HPSE2: variants seen among roughly 807,000 people sequenced by gnomAD.
The protein encoded by HPSE2 is inactive heparanase-2.
Under a neutral mutation model 60.5 loss-of-function variants are expected in HPSE2, and 38 were observed. That is an observed-to-expected ratio of 0.63 (90% CI 0.48 to 0.82). The LOEUF (loss-of-function observed/expected upper bound fraction) is 0.82, where lower values mean the gene tolerates loss of function less well. Among genes scored for constraint, HPSE2 ranks in the 40% least tolerant of loss-of-function variants. The pLI is 0.00. For synonymous variants in HPSE2, 295 were observed against 293.2 expected (o/e 1.01, Z -0.06); for missense variants, 713 against 740.4 (o/e 0.96, Z 0.43).
intron 3 of HPSE2, among the ~76,000 whole-genome samples, chr10:98,956,779 G>A (rs913638781): frequency 1.4e-5 from 2 of 138,794 alleles, no homozygotes; most frequent in East Asian, 4.3e-4. Flanking sequence ...TAGTTGCTCA[G>A]CTGTGTGGCA....
At chr10:99,271,817 A>C in the HPSE2 span, among the ~76,000 whole-genome samples, 1 of 152,214 alleles carries the variant, frequency 6.6e-6, no homozygotes, top group East Asian at 1.9e-4. Context: ...AATGGAACAG[A>C]ATAGAGAACC....
intron 6 of HPSE2, among the ~76,000 whole-genome samples, chr10:98,668,261 A>C (rs1482906140): frequency 6.6e-6 from 1 of 152,214 alleles, no homozygotes; most frequent in Non-Finnish European, 1.5e-5. Flanking sequence ...GAAAGTAATG[A>C]AATTACACAA....
chr10:98,691,674 T>C (rs1295520151), intron 6 of HPSE2, among the ~76,000 whole-genome samples: 1 of 152,178 alleles, frequency 6.6e-6, no homozygotes, highest in Non-Finnish European at 1.5e-5. Flanking sequence ...AAAGGGACAT[T>C]ATCTTGTTAT....
At chr10:98,520,191 C>A (rs1057488883) in intron 9 of HPSE2, among the ~76,000 whole-genome samples, 2 of 152,192 alleles carry the variant, frequency 1.3e-5, no homozygotes, top group African/African-American at 4.8e-5. Context: ...CAGCTATACC[C>A]AGAACTCCAC....
chr10:98,587,763 C>A (rs961674905), intron 9 of HPSE2, among the ~76,000 whole-genome samples: 11 of 152,130 alleles, frequency 7.2e-5, no homozygotes, highest in African/African-American at 2.7e-4. Context: ...CTTCTTTGAC[C>A]TGGCATTTTT....
intron 3 of HPSE2, among the ~76,000 whole-genome samples, chr10:99,115,614 AT>A (rs1424647462): frequency 6.6e-6 from 1 of 152,084 alleles, no homozygotes; most frequent in Non-Finnish European, 1.5e-5. Context: ...GATTCTCTGT[AT>A]TAACTGCCAA....
intron 3 of HPSE2, among the ~76,000 whole-genome samples, chr10:99,122,446 T>G (rs1844993301): frequency 6.6e-6 from 1 of 151,820 alleles, no homozygotes; most frequent in Non-Finnish European, 1.5e-5. Flanking sequence ...CACAAAACAC[T>G]CTATGAATAA....
At chr10:99,217,034 T>C (rs1015472889) in intron 2 of HPSE2, among the ~76,000 whole-genome samples, 11 of 152,068 alleles carry the variant, frequency 7.2e-5, no homozygotes, top group African/African-American at 2.4e-4. Flanking sequence ...GGAAAGCCTA[T>C]GATAGCCCTA....
intron 4 of HPSE2, among the ~76,000 whole-genome samples, chr10:98,725,405 A>G (rs1436425441): frequency 6.6e-6 from 1 of 152,250 alleles, no homozygotes; most frequent in East Asian, 1.9e-4. Context: ...TCCCTATTTA[A>G]TAAATGGTGC....
At chr10:98,576,215 C>G (rs1187026465) in intron 9 of HPSE2, among the ~76,000 whole-genome samples, 2 of 151,706 alleles carry the variant, frequency 1.3e-5, no homozygotes, top group African/African-American at 4.8e-5. Context: ...TGGAAGAGCA[C>G]AAATCACCAG....
chr10:98,605,423 C>T (rs1233565657), intron 9 of HPSE2, among the ~76,000 whole-genome samples: 2 of 152,156 alleles, frequency 1.3e-5, no homozygotes. Flanking sequence ...TAGTGTATGT[C>T]ATAAGGTTCT....
At chr10:98,657,746 T>C (rs1194282507) in intron 6 of HPSE2, among the ~76,000 whole-genome samples, 1 of 152,236 alleles carries the variant, frequency 6.6e-6, no homozygotes, top group Non-Finnish European at 1.5e-5. Context: ...TTTGGTATAA[T>C]ACAGTTTAAG....
intron 3 of HPSE2, among the ~76,000 whole-genome samples, chr10:99,017,647 T>A (rs1251400022): frequency 1.3e-5 from 2 of 152,198 alleles, no homozygotes; most frequent in East Asian, 3.9e-4. Context: ...TGTGAATCTG[T>A]CTACTCCTGA....
At chr10:98,595,532 T>C (rs1364786982) in intron 9 of HPSE2, among the ~76,000 whole-genome samples, 2 of 152,232 alleles carry the variant, frequency 1.3e-5, no homozygotes, top group African/African-American at 4.8e-5. Context: ...AATATGCTAC[T>C]ATTTTTATAT....
At chr10:98,969,033 C>A (rs1955883592) in intron 3 of HPSE2, among the ~76,000 whole-genome samples, 1 of 152,108 alleles carries the variant, frequency 6.6e-6, no homozygotes, top group Non-Finnish European at 1.5e-5. Context: ...ATATGTCCTG[C>A]ATTCCATAAA....
chr10:98,572,898 AACTG>A (rs1412221052), intron 9 of HPSE2, among the ~76,000 whole-genome samples: 1 of 152,200 alleles, frequency 6.6e-6, no homozygotes, highest in Non-Finnish European at 1.5e-5. Flanking sequence ...GTGTACTAGG[AACTG>A]ACTGTGTGCC....
At chr10:99,043,530 T>C (rs1161798333) in intron 3 of HPSE2, among the ~76,000 whole-genome samples, 1 of 152,014 alleles carries the variant, frequency 6.6e-6, no homozygotes, top group Non-Finnish European at 1.5e-5. Context: ...CAGTTGGATG[T>C]GAATGAAATG....
chr10:98,580,836 A>ATATATATATGTGTGTGTGTG, intron 9 of HPSE2, among the ~76,000 whole-genome samples: 2 of 119,558 alleles, frequency 1.7e-5, no homozygotes, highest in African/African-American at 7.2e-5. Context: ...ATATATATAT[A>ATATATATATGTGTGTGTGTG]TGTGTGTGTG....
chr10:98,575,341 G>A (rs1428930338), intron 9 of HPSE2, among the ~76,000 whole-genome samples: 1 of 152,174 alleles, frequency 6.6e-6, no homozygotes, highest in Non-Finnish European at 1.5e-5. Context: ...TGGCCGTGAT[G>A]ATAAATGATG....
Sources: gnomAD v4.1 joint callset for allele counts (sites outside exome capture counted in the v4.1 genomes callset) on GRCh38, gnomAD v4.1.1 for gene constraint, MANE v1.5 for transcripts, NCBI Gene and HGNC (gene_info 2026-07-23, HGNC 2026-07-21) for gene names.